SPTBN1: variants seen among roughly 807,000 people sequenced by gnomAD.
The protein encoded by SPTBN1 is spectrin beta, non-erythrocytic 1.
In SPTBN1, 32 loss-of-function variants were observed where a neutral mutation model predicts 266.4. The observed-to-expected ratio is 0.12, with a 90% confidence interval of 0.09 to 0.16. The LOEUF (loss-of-function observed/expected upper bound fraction) is 0.16, where lower values mean the gene tolerates loss of function less well. SPTBN1 is among the 10% of genes least tolerant of loss of function. The pLI is 1.00. For synonymous variants in SPTBN1, 1,336 were observed against 1,162.2 expected (o/e 1.15, Z -3.04); for missense variants, 2,296 against 3,067.1 (o/e 0.75, Z 5.94).
intron 1 of SPTBN1, among the ~76,000 whole-genome samples, chr2:54,480,579 A>G (rs1668044785): frequency 6.6e-6 from 1 of 152,218 alleles, no homozygotes; most frequent in African/African-American, 2.4e-5. Context: ...TATTCAGTAT[A>G]ACCCACATTC....
chr2:54,607,799 A>G lies in SPTBN1; in HGVS notation c.301-4362A>G, dbSNP rs547644588. 5.3e-5 allele frequency among the ~76,000 whole-genome samples: 8 copies of G among 152,316 alleles called. No homozygotes were observed. In the East Asian group the frequency reaches 1.2e-3, roughly 22 times the overall value. The stretch of plus-strand genomic sequence containing the variant: ...ATATATTTGAAAATAAAATTTTTCT[A>G]CTTGTGGTAGGCCTCTGCACATAAT... On this transcript the variant is annotated intron_variant, in intron 3 of 35. Coordinates refer to ENST00000356805, the MANE Select transcript of SPTBN1 (RefSeq NM_003128.3).
chr2:54,462,245 C>A (rs1215615953), intron 1 of SPTBN1, among the ~76,000 whole-genome samples: 1 of 152,258 alleles, frequency 6.6e-6, no homozygotes, highest in African/African-American at 2.4e-5. Context: ...CTATGACCCA[C>A]TGATCCCTTT....
chr2:54,511,810 G>A (rs1203377490), intron 1 of SPTBN1, among the ~76,000 whole-genome samples: 1 of 152,118 alleles, frequency 6.6e-6, no homozygotes, highest in Non-Finnish European at 1.5e-5. Context: ...GGTGGAGGTT[G>A]CAGTGAGCCA....
intron 2 of SPTBN1, among the ~76,000 whole-genome samples, chr2:54,547,188 C>G (rs1373275572): frequency 6.6e-6 from 1 of 152,146 alleles, no homozygotes; most frequent in Non-Finnish European, 1.5e-5. Context: ...TTTAACTACT[C>G]AACATACTGC....
chr2:54,617,600 C>T lies in SPTBN1; in HGVS notation c.567-8C>T. 1.2e-6 allele frequency: 2 copies of T among 1,614,026 alleles called. No homozygotes were observed. Among genetic ancestry groups the T allele is most frequent in the Non-Finnish European group, 1.7e-6 (2 of 1,179,914 alleles). The stretch of plus-strand genomic sequence containing the variant: ...TGTTGCTTTTCCCTTCTGCTTTGTC[C>T]TTGGCAGGTACCCCAATGTCAACAT... On this transcript the variant is annotated splice_region_variant and splice_polypyrimidine_tract_variant and intron_variant, in intron 5 of 35. Coordinates refer to ENST00000356805, the MANE Select transcript of SPTBN1 (RefSeq NM_003128.3).
chr2:54,511,379 T>A (rs1181422130), intron 1 of SPTBN1, among the ~76,000 whole-genome samples: 2 of 152,152 alleles, frequency 1.3e-5, no homozygotes, highest in Admixed American at 6.5e-5. Context: ...TTTTTAAAAA[T>A]TTTTTTCTTC....
intron 2 of SPTBN1, among the ~76,000 whole-genome samples, chr2:54,569,516 G>A (rs777622376): frequency 6.6e-6 from 1 of 152,086 alleles, no homozygotes; most frequent in South Asian, 2.1e-4. Context: ...ATACACACAC[G>A]TGCAGTTTAG....
chr2:54,494,256 C>T lies in SPTBN1; in HGVS notation c.-47-32116C>T, dbSNP rs148706184. Among the ~76,000 whole-genome samples, 897 of 152,290 alleles carry T rather than the reference C, an allele frequency of 5.9e-3. 4 individuals carry two copies. The highest frequency in any genetic ancestry group is 8.1e-3 in the Non-Finnish European group (550 of 68,010). ...ATCATCCCTTTTAAAAAGGACTTAT[C>T]TTTTAAGAGGATATTCCTCTGGTGC... is the stretch of plus-strand genomic sequence containing the variant. On this transcript the variant is annotated intron_variant, in intron 1 of 35. Coordinates refer to ENST00000356805, the MANE Select transcript of SPTBN1 (RefSeq NM_003128.3).
intron 26 of SPTBN1, chr2:54,652,577 A>G (rs2104131791): frequency 6.6e-6 from 1 of 152,362 alleles, no homozygotes; most frequent in Non-Finnish European, 1.5e-5. Context: ...AATATGCAAG[A>G]ATGTATATGT....
chr2:54,611,513 G>C (rs1677212759), intron 3 of SPTBN1, among the ~76,000 whole-genome samples: 1 of 151,978 alleles, frequency 6.6e-6, no homozygotes, highest in South Asian at 2.1e-4. Context: ...TATTTAAAAT[G>C]TTCACCTTCC....
intron 30 of SPTBN1, 66 bp from the exon 31 acceptor site, chr2:54,659,088 T>C: frequency 6.3e-7 from 1 of 1,578,036 alleles, no homozygotes; most frequent in Non-Finnish European, 8.7e-7. Context: ...CCTGGGTTCC[T>C]AGAACCTTTT....
At chr2:54,614,009 A>C (rs746953078) in intron 4 of SPTBN1, among the ~76,000 whole-genome samples, 13 of 152,216 alleles carry the variant, frequency 8.5e-5, no homozygotes, top group Non-Finnish European at 1.6e-4. Context: ...TCTCAGCGTG[A>C]ATTGCTTTGA....
intron 2 of SPTBN1, among the ~76,000 whole-genome samples, chr2:54,566,268 A>G (rs1008913837): frequency 6.8e-6 from 1 of 146,862 alleles, no homozygotes; most frequent in African/African-American, 2.5e-5. Context: ...AGCTCACCGC[A>G]ACGTCCGCCT....
chr2:54,476,198 A>G (rs1424910557), intron 1 of SPTBN1, among the ~76,000 whole-genome samples: 1 of 151,646 alleles, frequency 6.6e-6, no homozygotes, highest in African/African-American at 2.4e-5. Context: ...TGCCATCCTC[A>G]CTCAAGGACG....
intron 2 of SPTBN1, among the ~76,000 whole-genome samples, chr2:54,571,269 A>C (rs573030071): frequency 6.6e-6 from 1 of 152,276 alleles, no homozygotes; most frequent in Admixed American, 6.5e-5. Flanking sequence ...GTGGATTTGC[A>C]TAAACCAACA....
At chr2:54,503,106 T>C (rs1669358579) in intron 1 of SPTBN1, among the ~76,000 whole-genome samples, 1 of 152,116 alleles carries the variant, frequency 6.6e-6, no homozygotes. Flanking sequence ...AAAAAGAAAA[T>C]CCTTTTGTTG....
chr2:54,510,239 C>T (rs1256427217), intron 1 of SPTBN1, among the ~76,000 whole-genome samples: 1 of 152,164 alleles, frequency 6.6e-6, no homozygotes, highest in Non-Finnish European at 1.5e-5. Flanking sequence ...AGCCACTGTG[C>T]CCGGCCATTC....
chr2:54,480,546 G>A (rs925139827), intron 1 of SPTBN1, among the ~76,000 whole-genome samples: 7 of 152,138 alleles, frequency 4.6e-5, no homozygotes, highest in African/African-American at 1.4e-4. Context: ...TCCTAGTTTT[G>A]TAATCCGAAA....
chr2:54,482,218 A>C (rs1385005964), intron 1 of SPTBN1, among the ~76,000 whole-genome samples: 1 of 152,146 alleles, frequency 6.6e-6, no homozygotes, highest in Non-Finnish European at 1.5e-5. Context: ...GGAGACTTAA[A>C]AAAATGCAGG....
Sources: allele counts gnomAD v4.1 joint callset (sites outside exome capture counted in the v4.1 genomes callset), GRCh38; gene constraint gnomAD v4.1.1; transcripts MANE v1.5; gene names NCBI Gene and HGNC (gene_info 2026-07-23, HGNC 2026-07-21).